RYR3: variants seen among roughly 807,000 people sequenced by gnomAD.
The protein encoded by RYR3 is brain ryanodine receptor-calcium release channel.
Under a neutral mutation model 584.3 loss-of-function variants are expected in RYR3, and 207 were observed. The ratio of observed to expected loss-of-function variants is 0.35; its 90% CI spans 0.32 to 0.40. The LOEUF is 0.40. RYR3 is among the 10% of genes least tolerant of loss of function. RYR3 has a pLI of 1.00. For missense variants in RYR3, 5,616 were observed against 6,089.2 expected (o/e 0.92, Z 2.59); for synonymous variants, 2,416 against 2,248.5 (o/e 1.07, Z -2.11).
chr15:33,755,060 C>T lies in RYR3; in HGVS notation c.8400-5C>T, dbSNP rs74437672. 2.6e-3 allele frequency: 4,172 copies of T among 1,576,086 alleles called. 145 individuals carry two copies. The East Asian group carries it at 0.071, about 27-fold the overall frequency. On this transcript the variant is annotated splice_region_variant and splice_polypyrimidine_tract_variant and intron_variant, in intron 57 of 103. Coordinates refer to ENST00000634891, the MANE Select transcript of RYR3 (RefSeq NM_001036.6). ...CTTCCTGGGGTCTGTCCATGTCCAA[C>T]GTAGGGGTATGAAGGATATGGAGCT...
intron 2 of RYR3, among the ~76,000 whole-genome samples, chr15:33,480,277 T>C (rs1274007378): frequency 6.6e-6 from 1 of 152,200 alleles, no homozygotes; most frequent in Non-Finnish European, 1.5e-5. Flanking sequence ...TGTGGGCAAA[T>C]GACTTTACTG....
intron 3 of RYR3, among the ~76,000 whole-genome samples, chr15:33,516,434 C>G (rs944497908): frequency 2.0e-5 from 3 of 151,878 alleles, no homozygotes; most frequent in Non-Finnish European, 2.9e-5. Context: ...ACCTCTGCCT[C>G]CTGTATTCAG....
At chr15:33,491,308 T>C (rs1282563800) in intron 2 of RYR3, among the ~76,000 whole-genome samples, 1 of 152,232 alleles carries the variant, frequency 6.6e-6, no homozygotes, top group Non-Finnish European at 1.5e-5. Context: ...TAGTAATAGA[T>C]AGACTTGCTT....
chr15:33,361,261 C>T (rs1055478399), intron 1 of RYR3, among the ~76,000 whole-genome samples: 9 of 152,206 alleles, frequency 5.9e-5, no homozygotes, highest in Middle Eastern at 3.2e-3. Context: ...CTCCATTGGA[C>T]ACTTGCTGAA....
chr15:33,613,075 T>C (rs902471848), intron 18 of RYR3, 108 bp from the exon 19 acceptor site: 1 of 747,636 alleles, frequency 1.3e-6, no homozygotes, highest in Non-Finnish European at 2.3e-6. Flanking sequence ...CCGGACCTCT[T>C]GAGTACCCAT....
intron 12 of RYR3, among the ~76,000 whole-genome samples, chr15:33,571,739 A>C (rs1228664138): frequency 6.6e-6 from 1 of 152,128 alleles, no homozygotes; most frequent in Non-Finnish European, 1.5e-5. Context: ...GATTTTTTAA[A>C]ATAGTCTGAC....
At chr15:33,855,061 G>C in intron 98 of RYR3, 149 bp downstream of exon 98, 1 of 752,206 alleles carries the variant, frequency 1.3e-6, no homozygotes, top group Non-Finnish European at 1.9e-6. Flanking sequence ...AATGGTGATT[G>C]TTTTTGCAAA....
chr15:33,614,119 C>G (rs944766280), intron 19 of RYR3, among the ~76,000 whole-genome samples: 18 of 152,158 alleles, frequency 1.2e-4, no homozygotes, highest in African/African-American at 4.3e-4. Flanking sequence ...TTGTTCATAA[C>G]TCATTTTGTA....
At chr15:33,559,220 A>G (rs2057272845) in intron 10 of RYR3, among the ~76,000 whole-genome samples, 1 of 152,202 alleles carries the variant, frequency 6.6e-6, no homozygotes, top group Non-Finnish European at 1.5e-5. Flanking sequence ...CAGTCCGTTC[A>G]GGGTCCACAA....
intron 18 of RYR3, among the ~76,000 whole-genome samples, chr15:33,610,804 C>T (rs1413060862): frequency 6.6e-6 from 1 of 152,108 alleles, no homozygotes; most frequent in Non-Finnish European, 1.5e-5. Flanking sequence ...TTCATAAATA[C>T]AAAGCCTGAA....
rs114294954 is a variant in RYR3 at position 33,315,779 on chromosome 15, G to A, written c.51+4683G>A. 7.1e-3 allele frequency among the ~76,000 whole-genome samples: 1,078 copies of A among 152,276 alleles called. 11 individuals carry two copies. Among genetic ancestry groups the A allele is most frequent in the African/African-American group, 0.025 (1,047 of 41,550 alleles). On this transcript the variant is annotated intron_variant, in intron 1 of 103. Transcript: ENST00000634891. Reference sequence around the variant, plus strand: ...GCCGCATCAGCAGTAGGGGGGTGGTGGCACATATCTTCTCTGCCAAGGCAA... The same window carrying A: ...GCCGCATCAGCAGTAGGGGGGTGGTAGCACATATCTTCTCTGCCAAGGCAA...
In RYR3 at chr15:33,612,126, A is replaced by G. The variant is rs138655598; in HGVS notation, c.2165-1057A>G. 6.0e-4 allele frequency among the ~76,000 whole-genome samples: 92 copies of G among 152,308 alleles called. 1 individual carries two copies. The East Asian group carries it at 0.012, about 20-fold the overall frequency. On this transcript the variant is annotated intron_variant, in intron 18 of 103. Coordinates refer to ENST00000634891, the MANE Select transcript of RYR3 (RefSeq NM_001036.6). ...AATGTAAACCTGAGAGGGGAGGGGT[A>G]GGTGGTTATAATTATTAATATTTAC...
In RYR3 at chr15:33,471,928, C is replaced by A. The variant is rs140386946; in HGVS notation, c.52-1491C>A. On this transcript the variant is annotated intron_variant, in intron 1 of 103. Coordinates refer to ENST00000634891, the MANE Select transcript of RYR3 (RefSeq NM_001036.6). ...AATGCCATTAGGAGGATCCTAACGC[C>A]CCTGGTTGATACAGGATCTAGGGGC... Among the ~76,000 whole-genome samples the A allele has an allele frequency of 5.2e-3, 789 of 152,200 alleles. 5 individuals carry two copies. Among genetic ancestry groups the A allele is most frequent in the Non-Finnish European group, 8.4e-3 (570 of 68,010 alleles).
intron 3 of RYR3, among the ~76,000 whole-genome samples, chr15:33,516,073 T>A (rs547873587): frequency 6.6e-6 from 1 of 152,334 alleles, no homozygotes; most frequent in African/African-American, 2.4e-5. Context: ...TTTATTATGA[T>A]ATTTGTATTA....
chr15:33,649,918 G>A (rs1199245046), intron 31 of RYR3, among the ~76,000 whole-genome samples: 1 of 152,192 alleles, frequency 6.6e-6, no homozygotes, highest in Non-Finnish European at 1.5e-5. Flanking sequence ...TCCCTATACA[G>A]CCATATGTAG....
In RYR3 at chr15:33,634,628, T is replaced by A. The variant is rs752015882; in HGVS notation, c.3070T>A (p.Leu1024Ile). 2 of 1,613,868 alleles carry A rather than the reference T, an allele frequency of 1.2e-6. No individual in the cohort carries two copies. The highest frequency in any genetic ancestry group is 2.2e-5 in the South Asian group (2 of 91,068). Residue 1024 changes from leucine to isoleucine, a missense_variant, in exon 25 of 104, where the codon TTA becomes ATA. By Grantham distance (5) the Leu-to-Ile change is conservative (BLOSUM62 2). Coordinates refer to ENST00000634891, the MANE Select transcript of RYR3 (RefSeq NM_001036.6). ...KRNPRLVPYA[L>I]LDERTKKSNR... ...AAATCCCCGTCTGGTGCCATATGCA[T>A]TACTGGATGAGCGTACCAAGAAGTC... is the stretch of plus-strand genomic sequence containing the variant.
chr15:33,689,113 A>G (rs557368154), intron 38 of RYR3, among the ~76,000 whole-genome samples: 10 of 151,890 alleles, frequency 6.6e-5, no homozygotes, highest in Non-Finnish European at 1.0e-4. Flanking sequence ...CCAGCAAACT[A>G]TCACAAGGAC....
At chr15:33,639,485 C>A (rs1001477759) in intron 27 of RYR3, among the ~76,000 whole-genome samples, 1 of 152,164 alleles carries the variant, frequency 6.6e-6, no homozygotes, top group Non-Finnish European at 1.5e-5. Context: ...AAAGAGGTAG[C>A]AATTCTTGCC....
At chr15:33,754,473 C>T (rs1234979189) in intron 57 of RYR3, among the ~76,000 whole-genome samples, 1 of 152,198 alleles carries the variant, frequency 6.6e-6, no homozygotes, top group Non-Finnish European at 1.5e-5. Flanking sequence ...TGTCTCTTCG[C>T]CCCACCTTAA....
Sources: gnomAD v4.1 joint callset for allele counts (sites outside exome capture counted in the v4.1 genomes callset) on GRCh38, gnomAD v4.1.1 for gene constraint, MANE v1.5 for transcripts, NCBI Gene and HGNC (gene_info 2026-07-23, HGNC 2026-07-21) for gene names.